Variants in NCLN observed in about 807,000 individuals in gnomAD.
The protein encoded by NCLN is nicalin.
In NCLN, 34 loss-of-function variants were observed where a neutral mutation model predicts 69.5. The ratio of observed to expected loss-of-function variants is 0.49; its 90% CI spans 0.37 to 0.65. NCLN has a LOEUF of 0.65. Ranked by LOEUF, NCLN falls within the 30% of genes least tolerant of loss-of-function variation. The pLI, the probability that NCLN is intolerant of heterozygous loss-of-function variation, is 0.00. For synonymous variants in NCLN, 393 were observed against 358.3 expected (o/e 1.10, Z -1.09); for missense variants, 710 against 804.8 (o/e 0.88, Z 1.42).
chr19:3,207,804 C>A lies in NCLN; in HGVS notation c.*116C>A, dbSNP rs1916314136. The A allele has an allele frequency of 3.7e-6, 3 of 810,694 alleles. No homozygotes were observed. The South Asian group carries it at 4.7e-5, about 13-fold the overall frequency. The allele number at this position is 810,694 out of a possible 1,614,324, so 50.2% of individuals were successfully genotyped here. A position where few individuals can be genotyped will look rare whatever the true frequency, so the allele number is the denominator to read the frequency against. On this transcript the variant is annotated 3_prime_UTR_variant, in exon 15 of 15. Transcript: ENST00000246117. ...CTGCAGGGACAGGGGCCCTCTCCCT[C>A]CCCGGCGGTGGTTGGAACACTGAAT... is the stretch of plus-strand genomic sequence containing the variant.
chr19:3,205,716 T>G lies in NCLN; in HGVS notation c.1209-223T>G. On this transcript the variant is annotated intron_variant, in intron 9 of 14. Transcript: ENST00000246117. This position sits in a 1 kb window ranked among gnomAD's most constrained non-coding sequence, Gnocchi z 4.6. ...AAGGCCTCAGGGCGTGAGCCTTACCTGCGCACAGGGACGGGTCAGGGCAAG... is the reference window on the plus strand; with the variant it reads ...AAGGCCTCAGGGCGTGAGCCTTACCGGCGCACAGGGACGGGTCAGGGCAAG... The G allele has an allele frequency of 1.8e-6, 1 of 562,196 alleles. No individual in the cohort carries two copies. The highest frequency in any genetic ancestry group is 3.2e-6 in the Non-Finnish European group (1 of 317,140). The allele number at this position is 562,196 out of a possible 1,614,324, so 34.8% of individuals were successfully genotyped here.
At position 3,208,149 on chromosome 19, in the gene NCLN, C is replaced by T. The variant is rs910403190; in HGVS notation, c.*461C>T. The stretch of plus-strand genomic sequence containing the variant: ...TCCTAGGACGTCCCCTCCCGCTCCC[C>T]GATGGTGGCGTGGACATGGTTATTT... On this transcript the variant is annotated 3_prime_UTR_variant, in exon 15 of 15. Coordinates refer to ENST00000246117, the MANE Select transcript of NCLN (RefSeq NM_020170.4). The T allele has an allele frequency of 1.3e-5, 2 of 159,856 alleles. No individual in the cohort carries two copies. Among genetic ancestry groups the T allele is most frequent in the Admixed American group, 6.3e-5 (1 of 15,982 alleles). 9.9% of individuals were successfully genotyped at this position (159,856 alleles called of 1,614,324 possible).
intron 1 of NCLN, among the ~76,000 whole-genome samples, chr19:3,190,892 C>T (rs991605784): frequency 1.3e-5 from 2 of 152,168 alleles, no homozygotes; most frequent in South Asian, 2.1e-4. Flanking sequence ...TTGGGATTTC[C>T]GGCTTCTGGG....
chr19:3,187,298 C>T (rs537179713), intron 1 of NCLN, among the ~76,000 whole-genome samples: 1 of 152,338 alleles, frequency 6.6e-6, no homozygotes, highest in South Asian at 2.1e-4. Flanking sequence ...CATTCCAGAA[C>T]CTGGTCCCTG....
At chr19:3,204,899 CT>C in intron 9 of NCLN, 148 bp downstream of exon 9, 1 of 915,590 alleles carries the variant, frequency 1.1e-6, no homozygotes, top group East Asian at 3.3e-5. Flanking sequence ...CCAAGGCCGG[CT>C]GCACGGTCAG....
At chr19:3,207,515 A>T in intron 14 of NCLN, 46 bp downstream of exon 14, 1 of 1,609,768 alleles carries the variant, frequency 6.2e-7, no homozygotes, top group Non-Finnish European at 8.5e-7. Context: ...GCCCGCCGGG[A>T]GGAGCTGGGC....
At position 3,192,543 on chromosome 19, in the gene NCLN, C is replaced by G. The variant is rs1197057662; in HGVS notation, c.258C>G (p.Leu86=). Residue 86 remains leucine, a synonymous_variant, in exon 2 of 15, where the codon CTC becomes CTG. Transcript: ENST00000246117. ...AGGTGCTGAGCCGCCGCTGCGTGCT[C>G]ATGCGGCTACTGGACTTCTCCTACG... The part of the protein sequence containing the change: ...AAEVLSRRCV[L]MRLLDFSYEQ... The G allele has an allele frequency of 6.2e-7, 1 of 1,610,030 alleles. No homozygotes were observed. The highest frequency in any genetic ancestry group is 1.7e-5 in the Admixed American group (1 of 59,656).
At chr19:3,200,379 G>C (rs1916095067) in intron 5 of NCLN, among the ~76,000 whole-genome samples, 1 of 138,364 alleles carries the variant, frequency 7.2e-6, no homozygotes, top group Non-Finnish European at 1.5e-5. Context: ...GGCGAGATCT[G>C]GGCTCACTGC....
chr19:3,201,573 G>A lies in NCLN; in HGVS notation c.747G>A (p.Leu249=). Reference sequence around the variant, plus strand: ...ACGGGAGCGGCGTCTCTGTGCTGCTGGAGCTGGCACGCCTCTTCTCCCGGC... The same window carrying A: ...ACGGGAGCGGCGTCTCTGTGCTGCTAGAGCTGGCACGCCTCTTCTCCCGGC... ...DSNGSGVSVL[L]ELARLFSRLY... The change falls in exon 6 of 15, where the codon CTG becomes CTA. Residue 249 remains leucine (L), a synonymous_variant. Coordinates refer to ENST00000246117, the MANE Select transcript of NCLN (RefSeq NM_020170.4). 1 of 1,567,816 alleles carries A rather than the reference G, an allele frequency of 6.4e-7. No individual in the cohort carries two copies. Among genetic ancestry groups the A allele is most frequent in the Non-Finnish European group, 8.6e-7 (1 of 1,164,080 alleles).
In NCLN at chr19:3,203,737, A is replaced by G. The variant is rs761724219; in HGVS notation, c.801-19A>G. 3 of 1,602,924 alleles carry G rather than the reference A, an allele frequency of 1.9e-6. No homozygotes were observed. Among genetic ancestry groups the G allele is most frequent in the Non-Finnish European group, 2.6e-6 (3 of 1,175,040 alleles). ...CAGGCGCTTGCCCGTCAAAGCTAAC[A>G]CTGGGTCTTCCCTCCCAGCTACAAC... On this transcript the variant is annotated intron_variant, in intron 6 of 14. Transcript: ENST00000246117.
chr19:3,190,866 T>C (rs1213553206), intron 1 of NCLN, among the ~76,000 whole-genome samples: 1 of 151,980 alleles, frequency 6.6e-6, no homozygotes, highest in Non-Finnish European at 1.5e-5. Flanking sequence ...AACATTTGGG[T>C]GATGTGACGT....
chr19:3,204,446 G>A, intron 8 of NCLN, 127 bp from the exon 9 acceptor site: 2 of 1,079,626 alleles, frequency 1.9e-6, no homozygotes, highest in Non-Finnish European at 2.5e-6. Flanking sequence ...GGGGACCCCG[G>A]GGGCAGGTGG....
At chr19:3,206,055 A>ACCCAGC in intron 10 of NCLN, 29 bp downstream of exon 10, 1 of 1,610,016 alleles carries the variant, frequency 6.2e-7, no homozygotes, top group Non-Finnish European at 8.5e-7. Context: ...GTGCCGCCAG[A>ACCCAGC]CCCAGCCCCA....
intron 5 of NCLN, among the ~76,000 whole-genome samples, chr19:3,200,458 G>T (rs761077724): frequency 1.3e-5 from 2 of 151,066 alleles, no homozygotes; most frequent in Non-Finnish European, 3.0e-5. Flanking sequence ...CTACAGGCGC[G>T]TGCCACCACA....
intron 4 of NCLN, among the ~76,000 whole-genome samples, chr19:3,198,276 G>A (rs1029963690): frequency 2.6e-5 from 4 of 152,102 alleles, no homozygotes; most frequent in Admixed American, 2.0e-4. Flanking sequence ...GGAGGCCGAG[G>A]TGGGCGGATC....
At position 3,192,569 on chromosome 19, in the gene NCLN, A is replaced by C. The variant is rs777557939; in HGVS notation, c.284A>C (p.Glu95Ala). ...ATGCGGCTACTGGACTTCTCCTACGAGCAGTACCAGAAGGCCCTGCGGCAG... is the reference window on the plus strand; with the variant it reads ...ATGCGGCTACTGGACTTCTCCTACGCGCAGTACCAGAAGGCCCTGCGGCAG... ...VLMRLLDFSY[E>A]QYQKALRQSA... Residue 95 changes from glutamate (E) to alanine (A), a missense_variant, in exon 2 of 15, where the codon GAG (glutamate) becomes GCG (alanine). Glu to Ala is a moderately radical substitution (Grantham distance 107, BLOSUM62 -1). Transcript: ENST00000246117. The C allele has an allele frequency of 1.3e-5, 21 of 1,609,678 alleles. No homozygotes were observed. Among genetic ancestry groups the C allele is most frequent in the Middle Eastern group, 1.7e-4 (1 of 5,992 alleles).
Position 3,207,917 on chromosome 19 carries a change from G to A in NCLN, c.*229G>A. On this transcript the variant is annotated 3_prime_UTR_variant, in exon 15 of 15. Coordinates refer to ENST00000246117, the MANE Select transcript of NCLN (RefSeq NM_020170.4). Reference sequence around the variant, plus strand: ...TTTGAACTTCCTTGGAGGAGAGCTTGGGAGACGTCCCGGGGCCAGGCTACG... The same window carrying A: ...TTTGAACTTCCTTGGAGGAGAGCTTAGGAGACGTCCCGGGGCCAGGCTACG... 9.1e-6 allele frequency: 5 copies of A among 550,762 alleles called. No individual in the cohort carries two copies. Among genetic ancestry groups the A allele is most frequent in the Non-Finnish European group, 1.6e-5 (5 of 308,638 alleles). The allele number at this position is 550,762 out of a possible 1,614,324, so 34.1% of individuals were successfully genotyped here.
chr19:3,191,464 C>G (rs1282456833), intron 1 of NCLN, among the ~76,000 whole-genome samples: 1 of 152,192 alleles, frequency 6.6e-6, no homozygotes, highest in Non-Finnish European at 1.5e-5. Context: ...TTCTGCCACC[C>G]CAGCCCCTGG....
At chr19:3,196,056 G>T in intron 3 of NCLN, 127 bp from the exon 4 acceptor site, 1 of 545,082 alleles carries the variant, frequency 1.8e-6, no homozygotes, top group Non-Finnish European at 3.3e-6. Context: ...GAAATCTGCT[G>T]GTCACGTCCC....
Sources: gnomAD v4.1 joint callset for allele counts (sites outside exome capture counted in the v4.1 genomes callset) on GRCh38, gnomAD v4.1.1 for gene constraint, Gnocchi (gnomAD v3.1) non-coding constraint, MANE v1.5 for transcripts, NCBI Gene and HGNC (gene_info 2026-07-23, HGNC 2026-07-21) for gene names.